DPF2: variants seen among roughly 807,000 people sequenced by gnomAD.
The protein encoded by DPF2 is zinc finger protein ubi-d4.
DPF2 carries 10 observed loss-of-function variants against 59.6 expected under a neutral mutation model. That is an observed-to-expected ratio of 0.17 (90% CI 0.10 to 0.28). The LOEUF (loss-of-function observed/expected upper bound fraction) is 0.28. Ranked by LOEUF, DPF2 falls within the 10% of genes least tolerant of loss-of-function variation. The pLI is 1.00. For missense variants in DPF2, 315 were observed against 509.4 expected, an observed-to-expected ratio of 0.62 and a Z score of 3.67; for synonymous variants, 189 against 190.6, an observed-to-expected ratio of 0.99 and a Z score of 0.07.
rs1854773909 is a variant in DPF2, at chr11:65,353,121, C to T, written c.*1362C>T. ...CCCAAATTAAAATTTTTTTGTGGAACCCCAATATGTAAAGCGAATATAAAA... is the reference window on the plus strand; with the variant it reads ...CCCAAATTAAAATTTTTTTGTGGAATCCCAATATGTAAAGCGAATATAAAA... On this transcript the variant is annotated 3_prime_UTR_variant, in exon 11 of 11. Coordinates refer to ENST00000528416, the MANE Select transcript of DPF2 (RefSeq NM_006268.5). The T allele has an allele frequency of 6.6e-6, 1 of 151,556 alleles. No individual in the cohort carries two copies. The highest frequency in any genetic ancestry group is 2.4e-5 in the African/African-American group (1 of 41,216). 9.4% of individuals were successfully genotyped at this position (151,556 alleles called of 1,614,324 possible). A position where few individuals can be genotyped will look rare whatever the true frequency, so the allele number is the denominator to read the frequency against.
Position 65,343,770 on chromosome 11 carries a change from T to G in DPF2, c.491T>G (p.Leu164Arg). 1 of 1,598,550 alleles carries G rather than the reference T, an allele frequency of 6.3e-7. No homozygotes were observed. Among genetic ancestry groups the G allele is most frequent in the South Asian group, 1.1e-5 (1 of 88,626 alleles). The change falls in exon 5 of 11, where the codon CTG becomes CGG. Residue 164 changes from leucine to arginine, a missense_variant. By Grantham distance (102) the Leu-to-Arg change is moderately radical. Transcript: ENST00000528416. ...RKRILEPDDF[L>R]DDLDDEDYEE... ...CGGATCCTAGAACCAGATGACTTCC[T>G]GGATGACCTCGATGATGAAGACTAT...
intron 1 of DPF2, 78 bp downstream of exon 1, chr11:65,333,996 A>G (rs1232453215): frequency 4.5e-6 from 7 of 1,571,570 alleles, no homozygotes; most frequent in Non-Finnish European, 6.1e-6. Context: ...GGGGGAAGGG[A>G]CTAGGCGGAG....
chr11:65,346,375 C>T lies in DPF2; in HGVS notation c.1017+16C>T, dbSNP rs994617461. ...CGAGAATGACGTGTGTATCCCCGCC[C>T]CCTCCTCAGCATGGCTCCTTCTGGG... On this transcript the variant is annotated intron_variant, in intron 9 of 10. Transcript: ENST00000528416. 6 of 1,604,678 alleles carry T rather than the reference C, an allele frequency of 3.7e-6. No homozygotes were observed. The highest frequency in any genetic ancestry group is 1.3e-5 in the African/African-American group (1 of 74,616).
In DPF2 at chr11:65,351,947, C is replaced by G. The variant is rs1042558862; in HGVS notation, c.*188C>G. On this transcript the variant is annotated 3_prime_UTR_variant, in exon 11 of 11. Coordinates refer to ENST00000528416, the MANE Select transcript of DPF2 (RefSeq NM_006268.5). ...CTCTGACCACCTCTGGCCCCAGGCCCTCAGGGAGAAAGGAGCAACACACTG... is the reference window on the plus strand; with the variant it reads ...CTCTGACCACCTCTGGCCCCAGGCCGTCAGGGAGAAAGGAGCAACACACTG... 3.2e-6 allele frequency: 2 copies of G among 627,190 alleles called. No individual in the cohort carries two copies. The highest frequency in any genetic ancestry group is 2.9e-5 in the Admixed American group (1 of 34,608). 38.9% of individuals were successfully genotyped at this position (627,190 alleles called of 1,614,324 possible). A position where few individuals can be genotyped will look rare whatever the true frequency, so the allele number is the denominator to read the frequency against.
chr11:65,351,593 G>A, intron 10 of DPF2, 90 bp from the exon 11 acceptor site: 3 of 1,127,582 alleles, frequency 2.7e-6, no homozygotes, highest in Non-Finnish European at 4.0e-6. Flanking sequence ...AGCTGATCCT[G>A]CTATAGAGAT....
chr11:65,341,344 G>C (rs2137693331), intron 3 of DPF2, 55 bp from the exon 4 acceptor site: 4 of 1,608,798 alleles, frequency 2.5e-6, no homozygotes. Flanking sequence ...TGTGGACTCA[G>C]AGCAGTCTGC....
intron 9 of DPF2, chr11:65,348,633 T>C: frequency 6.7e-6 from 2 of 297,404 alleles, no homozygotes; most frequent in South Asian, 9.8e-5. Context: ...AAAAAAAAAG[T>C]GGAGGTGATT....
intron 8 of DPF2, 70 bp from the exon 9 acceptor site, chr11:65,346,177 C>A (rs1854522114): frequency 6.3e-7 from 1 of 1,597,888 alleles, no homozygotes; most frequent in South Asian, 1.1e-5. Flanking sequence ...GAAGATGTAG[C>A]CACAGGCAGG....
chr11:65,341,411 C>T lies in DPF2; in HGVS notation c.314C>T (p.Thr105Ile). The change falls in exon 4 of 11, where the codon ACC becomes ATC. Residue 105 changes from threonine to isoleucine, a missense_variant. Thr to Ile is a moderately conservative substitution (Grantham distance 89). Transcript: ENST00000528416. The part of the protein sequence containing the change: ...FPSIKPDTDQ[T>I]LKKEGLISQD... The stretch of plus-strand genomic sequence containing the variant: ...ACCTTGCTTGCAGACACAGACCAGA[C>T]CCTGAAGAAGGAGGGGCTGATCTCT... The T allele has an allele frequency of 1.2e-6, 2 of 1,614,180 alleles. No homozygotes were observed. The highest frequency in any genetic ancestry group is 1.1e-5 in the South Asian group (1 of 91,082).
Position 65,340,360 on chromosome 11 carries a change from C to T in DPF2, c.33-25C>T, listed in dbSNP as rs371303549. ...CCTATGCCCCCCGCTCCAACATACA[C>T]GCCTGATTTCTATCTTCCCTGCAGC... On this transcript the variant is annotated intron_variant, in intron 1 of 10. Coordinates refer to ENST00000528416, the MANE Select transcript of DPF2 (RefSeq NM_006268.5). 16 of 1,612,316 alleles carry T rather than the reference C, an allele frequency of 9.9e-6. No individual in the cohort carries two copies. The African/African-American group carries it at 1.1e-4, about 11-fold the overall frequency.
intron 6 of DPF2, chr11:65,345,046 T>A: frequency 5.2e-6 from 1 of 193,944 alleles, no homozygotes; most frequent in Non-Finnish European, 1.0e-5. Context: ...ACAAAATGCC[T>A]CATGGGGATC....
chr11:65,349,047 C>A, intron 10 of DPF2, 116 bp downstream of exon 10: 1 of 1,208,842 alleles, frequency 8.3e-7, no homozygotes, highest in Non-Finnish European at 1.2e-6. Context: ...GGGAGTAAAG[C>A]ACCTTGCCTT....
At position 65,348,887 on chromosome 11, in the gene DPF2, A is replaced by G. The variant is rs1289554836; in HGVS notation, c.1055A>G (p.Tyr352Cys). The part of the protein sequence containing the change: ...LLFCDDCDRG[Y>C]HMYCLTPSMS... ...TTCTGTGATGACTGCGATCGTGGCT[A>G]CCACATGTACTGTCTCACCCCGTCC... The change falls in exon 10 of 11, where the codon TAC becomes TGC. Residue 352 changes from tyrosine to cysteine, a missense_variant. By Grantham distance (194) the Tyr-to-Cys change is radical (BLOSUM62 -2). Around this residue, in one of 4 missense-constraint regions of DPF2, gnomAD observed 27 missense variants for 125.8 expected, o/e 0.21. Coordinates refer to ENST00000528416, the MANE Select transcript of DPF2 (RefSeq NM_006268.5). 6.2e-7 allele frequency: 1 copy of G among 1,614,180 alleles called. No individual in the cohort carries two copies. Among genetic ancestry groups the G allele is most frequent in the Non-Finnish European group, 8.5e-7 (1 of 1,180,040 alleles).
intron 1 of DPF2, among the ~76,000 whole-genome samples, chr11:65,338,413 G>A (rs1478241349): frequency 3.3e-5 from 5 of 152,084 alleles, no homozygotes; most frequent in Non-Finnish European, 5.9e-5. Flanking sequence ...TTCATTCCCC[G>A]CAAAACTGTT....
chr11:65,343,168 G>T (rs543881820), intron 4 of DPF2, among the ~76,000 whole-genome samples: 1 of 151,752 alleles, frequency 6.6e-6, no homozygotes, highest in African/African-American at 2.4e-5. Context: ...GTGTGGTGGC[G>T]CATGCCTGTA....
Position 65,348,908 on chromosome 11 carries a change from C to T in DPF2, c.1076C>T (p.Pro359Leu). 6.2e-7 allele frequency: 1 copy of T among 1,614,176 alleles called. No individual in the cohort carries two copies. The highest frequency in any genetic ancestry group is 8.5e-7 in the Non-Finnish European group (1 of 1,180,032). ...GGCTACCACATGTACTGTCTCACCCCGTCCATGTCTGAGCCCCCTGAAGGT... is the reference window on the plus strand; with the variant it reads ...GGCTACCACATGTACTGTCTCACCCTGTCCATGTCTGAGCCCCCTGAAGGT... Reference protein sequence around the residue: ...DRGYHMYCLTPSMSEPPEGSW... With the variant: ...DRGYHMYCLTLSMSEPPEGSW... The change falls in exon 10 of 11, where the codon CCG becomes CTG. Residue 359 changes from proline (P) to leucine (L), a missense_variant. Transcript: ENST00000528416.
chr11:65,337,662 G>C (rs1352187642), intron 1 of DPF2, among the ~76,000 whole-genome samples: 1 of 150,854 alleles, frequency 6.6e-6, no homozygotes, highest in African/African-American at 2.4e-5. Flanking sequence ...GAAGTGCAGT[G>C]GTATAACCTT....
Position 65,346,275 on chromosome 11 carries a change from C to T in DPF2, c.933C>T (p.Pro311=), listed in dbSNP as rs770082049. Residue 311 remains proline (P), a synonymous_variant, in exon 9 of 11, where the codon CCC becomes CCT. Transcript: ENST00000528416. ...ATCCATCTTGCCTCCAATTTACCCC[C>T]GTGATGATGGCGGCAGTGAAGACAT... is the stretch of plus-strand genomic sequence containing the variant. ...SGHPSCLQFT[P]VMMAAVKTYR... The T allele has an allele frequency of 9.3e-6, 15 of 1,614,014 alleles. No individual in the cohort carries two copies. Among genetic ancestry groups the T allele is most frequent in the Admixed American group, 6.7e-5 (4 of 60,000 alleles).
In DPF2 at chr11:65,346,150, G is replaced by A. The variant is rs543058250; in HGVS notation, c.904+92G>A. The A allele has an allele frequency of 1.7e-3, 2,666 of 1,596,410 alleles. 6 individuals are homozygous for A. The highest frequency in any genetic ancestry group is 2.1e-3 in the Non-Finnish European group (2,486 of 1,169,502). Reference sequence around the variant, plus strand: ...AGGGCTGTCATAACCAGCCCACCTCGCTTTTCCTAACCAAGAGAAGATGTA... The same window carrying A: ...AGGGCTGTCATAACCAGCCCACCTCACTTTTCCTAACCAAGAGAAGATGTA... On this transcript the variant is annotated intron_variant, in intron 8 of 10. Transcript: ENST00000528416.
Sources: gnomAD v4.1 joint callset for allele counts (sites outside exome capture counted in the v4.1 genomes callset) on GRCh38, gnomAD v4.1.1 for gene constraint, gnomAD v4.1.1 regional missense constraint, MANE v1.5 for transcripts, NCBI Gene and HGNC (gene_info 2026-07-23, HGNC 2026-07-21) for gene names.